The following DPH6 variants were observed in gnomAD, a reference collection of about 807,000 sequenced individuals.
DPH6 encodes the protein diphthamine biosynthesis 6, also known as diphthine--ammonia ligase.
DPH6 carries 33 observed loss-of-function variants against 38.2 expected under a neutral mutation model. That is an observed-to-expected ratio of 0.86 (90% CI 0.65 to 1.15). DPH6 has a LOEUF of 1.15. DPH6 is among the 50% of genes most tolerant of loss of function. The pLI, the probability that DPH6 is intolerant of heterozygous loss-of-function variation, is 0.00. For synonymous variants in DPH6, 108 were observed against 103.0 expected (o/e 1.05, Z -0.30); for missense variants, 325 against 320.0 (o/e 1.02, Z -0.12).
chr15:35,471,275 T>G (rs1347963593), intron 3 of DPH6, among the ~76,000 whole-genome samples: 1 of 152,186 alleles, frequency 6.6e-6, no homozygotes, highest in Non-Finnish European at 1.5e-5. Context: ...CTCCACTCTC[T>G]CTGGGTGCTT....
chr15:35,295,853 C>T (rs1428439927), intron 3 of DPH6, among the ~76,000 whole-genome samples: 1 of 151,896 alleles, frequency 6.6e-6, no homozygotes, highest in Non-Finnish European at 1.5e-5. Flanking sequence ...TTTTCAATTA[C>T]ATATTATGTA....
At chr15:35,323,843 T>G (rs990499227) in intron 3 of DPH6, among the ~76,000 whole-genome samples, 2 of 152,236 alleles carry the variant, frequency 1.3e-5, no homozygotes, top group African/African-American at 4.8e-5. Context: ...GAAATAATTT[T>G]ATAACATATG....
downstream of DPH6, among the ~76,000 whole-genome samples, chr15:35,367,122 TTA>T (rs983372524): frequency 6.6e-6 from 1 of 151,800 alleles, no homozygotes; most frequent in African/African-American, 2.4e-5. Context: ...GCTTTTATTA[TTA>T]TATAAAATAT....
intron 3 of DPH6, among the ~76,000 whole-genome samples, chr15:35,305,780 T>C (rs113407164): frequency 6.6e-6 from 1 of 152,192 alleles, no homozygotes. Context: ...ACACAAAATA[T>C]AATTACATTA....
At chr15:35,456,719 C>G (rs1566916960) in intron 3 of DPH6, among the ~76,000 whole-genome samples, 1 of 151,956 alleles carries the variant, frequency 6.6e-6, no homozygotes, top group Non-Finnish European at 1.5e-5. Context: ...AACTCCTGAC[C>G]TGGTGATCCA....
rs1482457942 is a variant in DPH6 at position 35,455,349 on chromosome 15, T to C, written c.313-529A>G. ...GTATAGCACTGTAGATAAAGAATTC[T>C]GTCATGGGAAGGAAGCAATGAATTA... On this transcript the variant is annotated intron_variant, in intron 3 of 8. Transcript: ENST00000256538. Among the ~76,000 whole-genome samples, 4 of 152,146 alleles carry C rather than the reference T, an allele frequency of 2.6e-5. No individual in the cohort carries two copies. The East Asian group carries it at 7.7e-4, about 29-fold the overall frequency.
intron 3 of DPH6, among the ~76,000 whole-genome samples, chr15:35,274,849 C>T (rs943460427): frequency 2.0e-5 from 3 of 152,046 alleles, no homozygotes; most frequent in Non-Finnish European, 4.4e-5. Flanking sequence ...CCTCAAGGAT[C>T]TAGAACCAGA....
intron 3 of DPH6, among the ~76,000 whole-genome samples, chr15:35,277,441 A>G (rs890679341): frequency 2.0e-5 from 3 of 152,082 alleles, no homozygotes; most frequent in Admixed American, 6.6e-5. Context: ...ACTGCTCTCC[A>G]GCCTCAGGTA....
At chr15:35,299,077 C>A (rs776052352) in intron 3 of DPH6, 4 of 763,048 alleles carry the variant, frequency 5.2e-6, no homozygotes, top group Non-Finnish European at 9.1e-6. Context: ...GTCTTTCCAG[C>A]TCCCGCTGTC....
chr15:35,181,331 C>T, the DPH6 span, among the ~76,000 whole-genome samples: 5,728 of 150,908 alleles, frequency 0.038, 117 homozygotes, highest in Middle Eastern at 0.048. Flanking sequence ...GAAGCTTCAG[C>T]AAACTTTTCA....
At chr15:35,433,465 T>C (rs552063179) in intron 5 of DPH6, among the ~76,000 whole-genome samples, 3 of 152,322 alleles carry the variant, frequency 2.0e-5, no homozygotes, top group East Asian at 1.9e-4. Context: ...TGCAGAGTTA[T>C]AGTAAAAATC....
intron 3 of DPH6, among the ~76,000 whole-genome samples, chr15:35,318,861 A>T (rs1425598705): frequency 1.3e-5 from 2 of 152,114 alleles, no homozygotes; most frequent in Non-Finnish European, 2.9e-5. Context: ...ATTTTATGGG[A>T]TTTTTACATA....
the DPH6 span, among the ~76,000 whole-genome samples, chr15:35,192,253 C>T: frequency 7.2e-5 from 11 of 152,260 alleles, no homozygotes; most frequent in African/African-American, 2.6e-4. Flanking sequence ...TCTGAGAAAC[C>T]TGTTTTCTCA....
intron 6 of DPH6, among the ~76,000 whole-genome samples, chr15:35,405,246 A>T (rs1198413011): frequency 1.3e-5 from 2 of 151,980 alleles, no homozygotes; most frequent in Non-Finnish European, 2.9e-5. Context: ...TTGTTGTGAA[A>T]AATGTCATTG....
At chr15:35,370,082 G>A (rs1285521776), downstream of DPH6, among the ~76,000 whole-genome samples, 1 of 151,634 alleles carries the variant, frequency 6.6e-6, no homozygotes, top group East Asian at 1.9e-4. Context: ...AAAGAACAAG[G>A]CAATATGATG....
the DPH6 span, among the ~76,000 whole-genome samples, chr15:35,189,751 GT>G: frequency 2.0e-5 from 3 of 152,266 alleles, no homozygotes; most frequent in East Asian, 5.8e-4. Flanking sequence ...ATTTATTCAT[GT>G]TTTGCAGGAG....
At chr15:35,454,980 AT>A (rs2053979249) in intron 3 of DPH6, among the ~76,000 whole-genome samples, 160 bp from the exon 4 acceptor site, 1 of 152,130 alleles carries the variant, frequency 6.6e-6, no homozygotes, top group Non-Finnish European at 1.5e-5. Context: ...AAATTTGCAT[AT>A]ATTTAAATCA....
At chr15:35,231,011 C>T (rs2051513715) in intron 3 of DPH6, among the ~76,000 whole-genome samples, 1 of 152,202 alleles carries the variant, frequency 6.6e-6, no homozygotes, top group Non-Finnish European at 1.5e-5. Flanking sequence ...GCTGTCCCAG[C>T]TGGTATCTCA....
intron 3 of DPH6, among the ~76,000 whole-genome samples, chr15:35,476,666 A>G (rs1043690160): frequency 2.0e-5 from 3 of 151,830 alleles, no homozygotes; most frequent in African/African-American, 7.2e-5. Context: ...AAACTCATCA[A>G]GATCTATTCT....
Sources: allele counts gnomAD v4.1 joint callset (sites outside exome capture counted in the v4.1 genomes callset), GRCh38; gene constraint gnomAD v4.1.1; transcripts MANE v1.5; gene names NCBI Gene and HGNC (gene_info 2026-07-23, HGNC 2026-07-21).